The following MKLN1 variants were observed in gnomAD, a reference collection of about 807,000 sequenced individuals.
MKLN1 encodes muskelin.
MKLN1 carries 18 observed loss-of-function variants against 99.0 expected under a neutral mutation model. That is an observed-to-expected ratio of 0.18 (90% CI 0.13 to 0.27). The LOEUF (loss-of-function observed/expected upper bound fraction) is 0.27, where lower values mean the gene tolerates loss of function less well. Ranked by LOEUF, MKLN1 falls within the 10% of genes least tolerant of loss-of-function variation. MKLN1 has a pLI of 1.00. For synonymous variants in MKLN1, 288 were observed against 293.2 expected (o/e 0.98, Z 0.18); for missense variants, 621 against 875.9 (o/e 0.71, Z 3.67).
At chr7:131,277,466 T>C (rs530084087) in intron 3 of MKLN1, among the ~76,000 whole-genome samples, 4 of 152,232 alleles carry the variant, frequency 2.6e-5, no homozygotes, top group African/African-American at 4.8e-5. Context: ...GTATTTTTAG[T>C]AGAGACGGGG....
chr7:131,486,086 GGAGA>G (rs1797266316), intron 17 of MKLN1, among the ~76,000 whole-genome samples: 1 of 151,612 alleles, frequency 6.6e-6, no homozygotes, highest in Admixed American at 6.6e-5. Context: ...GTACACACAT[GGAGA>G]GAGACAGAGA....
chr7:131,465,791 G>GC (rs1168740863), intron 14 of MKLN1, among the ~76,000 whole-genome samples: 1 of 151,982 alleles, frequency 6.6e-6, no homozygotes, highest in Non-Finnish European at 1.5e-5. Flanking sequence ...CGCCTGCCTC[G>GC]GCCTCCCAAA....
chr7:131,350,102 CCT>C (rs1342648354), intron 1 of MKLN1, among the ~76,000 whole-genome samples: 24 of 152,044 alleles, frequency 1.6e-4, no homozygotes, highest in African/African-American at 4.6e-4. Flanking sequence ...TTTGTACCCA[CCT>C]CTCTTTCTTC....
intron 3 of MKLN1, among the ~76,000 whole-genome samples, chr7:131,242,014 C>A (rs964587904): frequency 6.6e-6 from 1 of 152,126 alleles, no homozygotes; most frequent in Non-Finnish European, 1.5e-5. Flanking sequence ...AATCCTAAAC[C>A]TATTCTCAAT....
At chr7:131,224,013 C>T (rs1797099732) in intron 3 of MKLN1, among the ~76,000 whole-genome samples, 1 of 152,138 alleles carries the variant, frequency 6.6e-6, no homozygotes, top group Non-Finnish European at 1.5e-5. Flanking sequence ...ATCTGCCCAC[C>T]TTGTCCTCCC....
chr7:131,355,384 G>C (rs749826574), intron 1 of MKLN1, among the ~76,000 whole-genome samples: 1 of 151,788 alleles, frequency 6.6e-6, no homozygotes, highest in African/African-American at 2.4e-5. Context: ...GTATTTTTAT[G>C]ATGAGTCTTT....
chr7:131,250,728 G>A (rs892733188), intron 3 of MKLN1, among the ~76,000 whole-genome samples: 1 of 152,128 alleles, frequency 6.6e-6, no homozygotes, highest in Non-Finnish European at 1.5e-5. Context: ...AGAAGGATTG[G>A]GGTAAGCCAC....
intron 17 of MKLN1, among the ~76,000 whole-genome samples, chr7:131,480,864 A>G (rs1797103026): frequency 6.6e-6 from 1 of 152,252 alleles, no homozygotes; most frequent in South Asian, 2.1e-4. Flanking sequence ...GCATAGCACT[A>G]AACTATCTCT....
intron 1 of MKLN1, among the ~76,000 whole-genome samples, chr7:131,357,866 T>A (rs1799928135): frequency 6.6e-6 from 1 of 152,160 alleles, no homozygotes; most frequent in South Asian, 2.1e-4. Context: ...AAAATCTGGG[T>A]GCTAGATGTC....
At chr7:131,432,163 C>T (rs995694087) in intron 9 of MKLN1, among the ~76,000 whole-genome samples, 2 of 151,914 alleles carry the variant, frequency 1.3e-5, no homozygotes, top group African/African-American at 4.8e-5. Context: ...AGGATGTGCA[C>T]GTTCTTACTC....
At chr7:131,174,214 T>C (rs1310445472) in intron 2 of MKLN1, among the ~76,000 whole-genome samples, 2 of 152,170 alleles carry the variant, frequency 1.3e-5, no homozygotes, top group Non-Finnish European at 2.9e-5. Context: ...CCTCGTGATC[T>C]GACCGCCTCG....
chr7:131,207,993 C>T (rs1160541913), intron 3 of MKLN1, among the ~76,000 whole-genome samples: 2 of 152,136 alleles, frequency 1.3e-5, no homozygotes, highest in African/African-American at 4.8e-5. Context: ...TCTTAAAGTC[C>T]TGGCCAAAAA....
At chr7:131,244,879 T>C (rs1016743355) in intron 3 of MKLN1, among the ~76,000 whole-genome samples, 14 of 151,952 alleles carry the variant, frequency 9.2e-5, no homozygotes, top group African/African-American at 3.1e-4. Flanking sequence ...TGGGCTCTGC[T>C]CTCTGTGGAA....
At chr7:131,286,686 T>C (rs1163271044) in intron 3 of MKLN1, among the ~76,000 whole-genome samples, 1 of 152,248 alleles carries the variant, frequency 6.6e-6, no homozygotes, top group Non-Finnish European at 1.5e-5. Context: ...GCTACAAAGA[T>C]GTACAAGACA....
rs1797442116 is a variant in MKLN1 at position 131,492,193 on chromosome 7, T to C, written c.*4465T>C. ...TCCTGAATTCAGCATATCATCAGAA[T>C]TTCCATTTACCTTTTGTCTTTTCTT... is the stretch of plus-strand genomic sequence containing the variant. On this transcript the variant is annotated 3_prime_UTR_variant, in exon 18 of 18. Transcript: ENST00000352689. The C allele has an allele frequency of 6.6e-6, 1 of 152,188 alleles. No individual in the cohort carries two copies. The highest frequency in any genetic ancestry group is 1.5e-5 in the Non-Finnish European group (1 of 68,038). 9.4% of individuals were successfully genotyped at this position (152,188 alleles called of 1,614,324 possible).
intron 12 of MKLN1, among the ~76,000 whole-genome samples, chr7:131,447,048 A>G (rs1268607860): frequency 1.3e-5 from 2 of 152,236 alleles, no homozygotes; most frequent in Admixed American, 6.5e-5. Flanking sequence ...ACTTTTTATA[A>G]AAAAGGAGAC....
intron 9 of MKLN1, among the ~76,000 whole-genome samples, chr7:131,433,344 C>A (rs1413164326): frequency 6.6e-6 from 1 of 152,162 alleles, no homozygotes; most frequent in Non-Finnish European, 1.5e-5. Flanking sequence ...CTCCATATAT[C>A]ATATCAGGAG....
intron 2 of MKLN1, among the ~76,000 whole-genome samples, chr7:131,144,992 C>G (rs887358850): frequency 4.6e-5 from 7 of 151,504 alleles, no homozygotes; most frequent in Non-Finnish European, 1.0e-4. Flanking sequence ...CCAGCAACAA[C>G]AACCACAACA....
At chr7:131,349,270 A>T (rs1013415397) in intron 1 of MKLN1, among the ~76,000 whole-genome samples, 1 of 151,218 alleles carries the variant, frequency 6.6e-6, no homozygotes, top group African/African-American at 2.4e-5. Context: ...ATCTCGGCTC[A>T]CTGCAACCTC....
Sources: gnomAD v4.1 joint callset for allele counts (sites outside exome capture counted in the v4.1 genomes callset) on GRCh38, gnomAD v4.1.1 for gene constraint, MANE v1.5 for transcripts, NCBI Gene and HGNC (gene_info 2026-07-23, HGNC 2026-07-21) for gene names.